Variants in HDAC11 observed in about 807,000 individuals in gnomAD.
HDAC11 encodes histone deacetylase 11.
A neutral mutation model predicts 41.1 loss-of-function variants in HDAC11; 23 were observed. The observed-to-expected ratio is 0.56, with a 90% CI of 0.40 to 0.79. The LOEUF (loss-of-function observed/expected upper bound fraction) is 0.79, where lower values mean the gene tolerates loss of function less well. HDAC11 is among the 30% of genes least tolerant of loss of function. HDAC11 has a pLI of 0.00. For missense variants in HDAC11, 402 were observed against 477.3 expected (o/e 0.84, Z 1.47); for synonymous variants, 187 against 186.6 (o/e 1.00, Z -0.02).
At chr3:13,501,811 T>C in intron 6 of HDAC11, 60 bp from the exon 7 acceptor site, 1 of 1,516,646 alleles carries the variant, frequency 6.6e-7, no homozygotes, top group South Asian at 1.1e-5. Context: ...TGGGAGTTGC[T>C]GTAGGGCTGG....
chr3:13,491,171 T>A (rs1701846245), intron 3 of HDAC11, among the ~76,000 whole-genome samples: 1 of 151,860 alleles, frequency 6.6e-6, no homozygotes, highest in Non-Finnish European at 1.5e-5. Context: ...GGTAGCTTCC[T>A]TTCCAATTTG....
In HDAC11 at chr3:13,502,459, C is replaced by T. The variant is rs1006080382; in HGVS notation, c.553-425C>T. 45 of 190,228 alleles carry T rather than the reference C, an allele frequency of 2.4e-4. No individual in the cohort carries two copies. Among genetic ancestry groups the T allele is most frequent in the African/African-American group, 1.0e-3 (44 of 42,576 alleles). The allele number at this position is 190,228 out of a possible 1,614,324, so 11.8% of individuals were successfully genotyped here. Reference sequence around the variant, plus strand: ...GACAGGGAGGGGACCCAGTGGGCTCCGGAAGGCACCCCCCTGCACCATTAC... The same window carrying T: ...GACAGGGAGGGGACCCAGTGGGCTCTGGAAGGCACCCCCCTGCACCATTAC... On this transcript the variant is annotated intron_variant, in intron 7 of 9. Coordinates refer to ENST00000295757, the MANE Select transcript of HDAC11 (RefSeq NM_024827.4). This position sits in a 1 kb window ranked among gnomAD's most constrained non-coding sequence, Gnocchi z 4.1.
chr3:13,495,740 A>G (rs2655222), intron 3 of HDAC11, among the ~76,000 whole-genome samples: 119,307 of 152,130 alleles, frequency 0.78, 46,900 homozygotes, highest in African/African-American at 0.8. Context: ...CACCTTCTCT[A>G]GATCATGGAC....
intron 6 of HDAC11, 42 bp downstream of exon 6, chr3:13,500,831 C>A: frequency 7.3e-7 from 1 of 1,370,090 alleles, no homozygotes; most frequent in Admixed American, 2.4e-5. Context: ...CAAGAGCCCT[C>A]CTGGAATCCT....
At chr3:13,494,898 C>T (rs1477750460) in intron 3 of HDAC11, among the ~76,000 whole-genome samples, 1 of 152,128 alleles carries the variant, frequency 6.6e-6, no homozygotes, top group Non-Finnish European at 1.5e-5. Context: ...TTTTGTCCGG[C>T]CCTGAGTGGC....
intron 6 of HDAC11, 98 bp from the exon 7 acceptor site, chr3:13,501,773 C>A: frequency 9.3e-7 from 1 of 1,072,352 alleles, no homozygotes. Flanking sequence ...AAGCATTAGG[C>A]CCCCCTCCCC....
chr3:13,501,825 C>T (rs1175150215), intron 6 of HDAC11, 46 bp from the exon 7 acceptor site: 3 of 1,578,490 alleles, frequency 1.9e-6, no homozygotes, highest in Admixed American at 1.7e-5. Context: ...GGGCTGGGTC[C>T]TCTGTCCGCC....
intron 4 of HDAC11, among the ~76,000 whole-genome samples, chr3:13,498,190 T>A (rs1273926865): frequency 6.6e-6 from 1 of 152,240 alleles, no homozygotes; most frequent in Non-Finnish European, 1.5e-5. Context: ...AAACTTTGCC[T>A]ATTTTCCCTT....
At chr3:13,491,612 G>C (rs1303225947) in intron 3 of HDAC11, among the ~76,000 whole-genome samples, 1 of 152,174 alleles carries the variant, frequency 6.6e-6, no homozygotes, top group African/African-American at 2.4e-5. Flanking sequence ...TCCGCCTGAG[G>C]AAACCAGGTG....
intron 3 of HDAC11, among the ~76,000 whole-genome samples, chr3:13,491,790 G>A (rs879441555): frequency 4.6e-5 from 7 of 152,254 alleles, no homozygotes; most frequent in Admixed American, 3.3e-4. Flanking sequence ...GGGTGGTGGC[G>A]TCAGTCTGGG....
intron 3 of HDAC11, among the ~76,000 whole-genome samples, chr3:13,494,896 G>A (rs182223078): frequency 3.9e-5 from 6 of 152,210 alleles, no homozygotes; most frequent in Admixed American, 1.3e-4. Flanking sequence ...CCTTTTGTCC[G>A]GCCCTGAGTG....
At position 13,480,923 on chromosome 3, in the gene HDAC11, G is replaced by A. The variant is rs1701285413; in HGVS notation, c.3-323G>A. The A allele has an allele frequency of 2.3e-6, 1 of 443,354 alleles. No individual in the cohort carries two copies. Among genetic ancestry groups the A allele is most frequent in the East Asian group, 4.8e-5 (1 of 20,956 alleles). 27.5% of individuals were successfully genotyped at this position (443,354 alleles called of 1,614,324 possible). On this transcript the variant is annotated intron_variant, in intron 1 of 9. Transcript: ENST00000295757. This position sits in a 1 kb window ranked among gnomAD's most constrained non-coding sequence, Gnocchi z 4.6. ...TTATTACGGTGCAGAGGTGATGCGC[G>A]GAGGCCTTGCAGCCAGACACACCTG...
chr3:13,488,935 C>G (rs57341635), intron 3 of HDAC11, among the ~76,000 whole-genome samples: 2,398 of 151,850 alleles, frequency 0.016, 51 homozygotes, highest in African/African-American at 0.055. Flanking sequence ...TTTTTTTTCC[C>G]CCCCAGTGTG....
rs776164040 is a variant in HDAC11 at position 13,496,738 on chromosome 3, G to A, written c.255G>A (p.Trp85Ter). ...ACAGCCCCTGTCTTTTTCCGCAGTG[G>A]TCCTTTGCTGTTGCTACCATCACAG... is the stretch of plus-strand genomic sequence containing the variant. ...HTRRYLNELK[W>*]SFAVATITEI... Residue 85 changes from tryptophan to a stop codon, truncating the protein, a stop_gained and splice_region_variant, in exon 4 of 10, where the codon TGG becomes TGA. Transcript: ENST00000295757. LOFTEE classifies it high-confidence loss of function. The A allele has an allele frequency of 6.3e-7, 1 of 1,598,858 alleles. No individual in the cohort carries two copies. Among genetic ancestry groups the A allele is most frequent in the South Asian group, 1.1e-5 (1 of 89,512 alleles).
In HDAC11 at chr3:13,504,450, C is replaced by G. The variant is rs756478604; in HGVS notation, c.829-18C>G. 5.6e-6 allele frequency: 9 copies of G among 1,612,322 alleles called. No homozygotes were observed. In the Admixed American group the frequency reaches 6.7e-5, roughly 12 times the overall value. ...GGGGGTCTGGCCTGCCTGAGTCACC[C>G]TCCTCTTCCCCTAACAGGGCATCGT... is the stretch of plus-strand genomic sequence containing the variant. On this transcript the variant is annotated intron_variant, in intron 9 of 9. Coordinates refer to ENST00000295757, the MANE Select transcript of HDAC11 (RefSeq NM_024827.4).
intron 3 of HDAC11, among the ~76,000 whole-genome samples, chr3:13,492,982 C>A (rs1239703597): frequency 6.6e-6 from 1 of 152,160 alleles, no homozygotes; most frequent in African/African-American, 2.4e-5. Flanking sequence ...TAGCCAGTGG[C>A]AGAACCCAGA....
Position 13,480,528 on chromosome 3 carries a change from C to G in HDAC11, c.2+179C>G. The G allele has an allele frequency of 3.0e-6, 1 of 330,812 alleles. No individual in the cohort carries two copies. The highest frequency in any genetic ancestry group is 5.5e-6 in the Non-Finnish European group (1 of 182,568). The allele number at this position is 330,812 out of a possible 1,614,324, so 20.5% of individuals were successfully genotyped here. A position where few individuals can be genotyped will look rare whatever the true frequency, so the allele number is the denominator to read the frequency against. On this transcript the variant is annotated intron_variant, in intron 1 of 9. Coordinates refer to ENST00000295757, the MANE Select transcript of HDAC11 (RefSeq NM_024827.4). This position sits in a 1 kb window ranked among gnomAD's most constrained non-coding sequence, Gnocchi z 4.6. Reference sequence around the variant, plus strand: ...GGCCCTCCCGGCGCGCCAGGCCAGCCCCGCGCCCCTGCTCGGTGGCCCGAG... The same window carrying G: ...GGCCCTCCCGGCGCGCCAGGCCAGCGCCGCGCCCCTGCTCGGTGGCCCGAG...
chr3:13,480,571 G>T lies in HDAC11; in HGVS notation c.2+222G>T, dbSNP rs11926713. 2.8e-4 allele frequency: 86 copies of T among 304,880 alleles called. No homozygotes were observed. The highest frequency in any genetic ancestry group is 1.2e-3 in the African/African-American group (55 of 44,974). The allele number at this position is 304,880 out of a possible 1,614,324, so 18.9% of individuals were successfully genotyped here. On this transcript the variant is annotated intron_variant, in intron 1 of 9. Coordinates refer to ENST00000295757, the MANE Select transcript of HDAC11 (RefSeq NM_024827.4). This position sits in a 1 kb window ranked among gnomAD's most constrained non-coding sequence, Gnocchi z 4.6. ...GGCCCGAGGGACGCGCGCCGGCCGC[G>T]GGCCTGGGCCCGGACCCGGAGCGGT...
At chr3:13,487,222 C>T (rs916832878) in intron 3 of HDAC11, among the ~76,000 whole-genome samples, 1 of 152,182 alleles carries the variant, frequency 6.6e-6, no homozygotes, top group African/African-American at 2.4e-5. Context: ...GAACATCTCC[C>T]ACCTCCCTGC....
Sources: allele counts gnomAD v4.1 joint callset (sites outside exome capture counted in the v4.1 genomes callset), GRCh38; gene constraint gnomAD v4.1.1; non-coding constraint Gnocchi (gnomAD v3.1); transcripts MANE v1.5; gene names NCBI Gene and HGNC (gene_info 2026-07-23, HGNC 2026-07-21).